Variants in HCN1 observed in about 807,000 individuals in gnomAD.
The protein encoded by HCN1 is hyperpolarization activated cyclic nucleotide gated potassium channel 1, also known as potassium/sodium hyperpolarization-activated cyclic nucleotide-gated channel 1.
A neutral mutation model predicts 78.9 loss-of-function variants in HCN1; 13 were observed. The observed-to-expected ratio is 0.16, with a 90% CI of 0.11 to 0.26. The LOEUF is 0.26. Ranked by LOEUF, HCN1 falls within the 10% of genes least tolerant of loss-of-function variation. The pLI is 1.00. For missense variants in HCN1, 810 were observed against 1,154.3 expected (o/e 0.70, Z 4.32); for synonymous variants, 552 against 455.5 (o/e 1.21, Z -2.70).
chr5:45,486,374 T>C (rs1008882462), intron 2 of HCN1, among the ~76,000 whole-genome samples: 2 of 152,182 alleles, frequency 1.3e-5, no homozygotes, highest in African/African-American at 4.8e-5. Context: ...GAAATAGAGC[T>C]AGATTTTAAA....
intron 5 of HCN1, among the ~76,000 whole-genome samples, chr5:45,345,495 T>G (rs1315252723): frequency 6.6e-6 from 1 of 152,230 alleles, no homozygotes; most frequent in East Asian, 1.9e-4. Context: ...TGTCAACTTT[T>G]GAACACTTTG....
chr5:45,372,047 A>T (rs1455311018), intron 4 of HCN1, among the ~76,000 whole-genome samples: 5 of 58,168 alleles, frequency 8.6e-5, no homozygotes, highest in Non-Finnish European at 1.3e-4. Flanking sequence ...TATATATTAT[A>T]TATATAATAT....
At chr5:45,678,544 C>T (rs1017206001) in intron 1 of HCN1, among the ~76,000 whole-genome samples, 1 of 151,898 alleles carries the variant, frequency 6.6e-6, no homozygotes, top group Non-Finnish European at 1.5e-5. Context: ...AGTTTTAGAG[C>T]CTCCTTCTAT....
At chr5:45,544,992 T>C (rs1201484769) in intron 2 of HCN1, among the ~76,000 whole-genome samples, 1 of 152,134 alleles carries the variant, frequency 6.6e-6, no homozygotes, top group African/African-American at 2.4e-5. Context: ...TCAAATGGTA[T>C]TTCTAGTTCT....
intron 1 of HCN1, among the ~76,000 whole-genome samples, chr5:45,663,076 C>T (rs1464674394): frequency 6.7e-6 from 1 of 149,622 alleles, no homozygotes; most frequent in Non-Finnish European, 1.5e-5. Flanking sequence ...GCTACAGTAA[C>T]CAAAACAGCA....
At chr5:45,305,420 A>T (rs1386475000) in intron 5 of HCN1, among the ~76,000 whole-genome samples, 1 of 152,134 alleles carries the variant, frequency 6.6e-6, no homozygotes, top group East Asian at 1.9e-4. Flanking sequence ...ATGAGAAAAT[A>T]TTTACAAATA....
At chr5:45,464,781 C>A (rs1050091477) in intron 2 of HCN1, among the ~76,000 whole-genome samples, 1 of 151,232 alleles carries the variant, frequency 6.6e-6, no homozygotes, top group African/African-American at 2.4e-5. Flanking sequence ...TACATACGAT[C>A]TGAATACTGA....
intron 5 of HCN1, among the ~76,000 whole-genome samples, chr5:45,315,145 A>G (rs1745954019): frequency 6.6e-6 from 1 of 152,198 alleles, no homozygotes; most frequent in Admixed American, 6.5e-5. Flanking sequence ...TTATTCCAAA[A>G]TTGACAACAT....
chr5:45,507,041 G>C (rs1428560819), intron 2 of HCN1, among the ~76,000 whole-genome samples: 1 of 152,116 alleles, frequency 6.6e-6, no homozygotes, highest in Non-Finnish European at 1.5e-5. Context: ...AGACTAGAGG[G>C]ATAGAATACA....
intron 2 of HCN1, among the ~76,000 whole-genome samples, chr5:45,572,706 T>G (rs1743860424): frequency 6.6e-6 from 1 of 152,190 alleles, no homozygotes; most frequent in Admixed American, 6.6e-5. Flanking sequence ...AACTAATGAT[T>G]GACTCTGTAT....
intron 2 of HCN1, among the ~76,000 whole-genome samples, chr5:45,640,483 A>C (rs1745431263): frequency 6.6e-6 from 1 of 152,192 alleles, no homozygotes; most frequent in Non-Finnish European, 1.5e-5. Context: ...AAATGCATGT[A>C]GAGCCAGTAG....
At chr5:45,296,414 T>A (rs553832624) in intron 6 of HCN1, among the ~76,000 whole-genome samples, 1 of 151,534 alleles carries the variant, frequency 6.6e-6, no homozygotes, top group East Asian at 2.0e-4. Context: ...ATTAAAAAAA[T>A]GAAAGAAAAT....
chr5:45,470,912 T>C (rs1741378483), intron 2 of HCN1, among the ~76,000 whole-genome samples: 1 of 151,938 alleles, frequency 6.6e-6, no homozygotes, highest in African/African-American at 2.4e-5. Flanking sequence ...ATCATAATTG[T>C]TGTTTTCTTT....
rs573107002 is a variant in HCN1, at chr5:45,545,836, T to A, written c.850-83829A>T. Reference sequence around the variant, plus strand: ...TCTTGAGACACTCTTCCCCTTTCACTCTGCTAGTAAAATATCATTGGACTT... The same window carrying A: ...TCTTGAGACACTCTTCCCCTTTCACACTGCTAGTAAAATATCATTGGACTT... On this transcript the variant is annotated intron_variant, in intron 2 of 7. Transcript: ENST00000303230. Among the ~76,000 whole-genome samples, 12 of 152,158 alleles carry A rather than the reference T, an allele frequency of 7.9e-5. No homozygotes were observed. The South Asian group carries it at 1.9e-3, about 24-fold the overall frequency.
At chr5:45,617,825 T>C (rs1744983055) in intron 2 of HCN1, among the ~76,000 whole-genome samples, 1 of 132,838 alleles carries the variant, frequency 7.5e-6, no homozygotes, top group Non-Finnish European at 1.8e-5. Flanking sequence ...GCAGCAAGCA[T>C]TACCAATTTC....
chr5:45,659,484 C>A (rs1456188218), intron 1 of HCN1, among the ~76,000 whole-genome samples: 1 of 107,736 alleles, frequency 9.3e-6, no homozygotes, highest in Admixed American at 9.1e-5. Context: ...GAGAAGAAGG[C>A]TTCAGATGAT....
intron 2 of HCN1, among the ~76,000 whole-genome samples, chr5:45,467,940 G>A (rs982486919): frequency 4.6e-5 from 7 of 151,612 alleles, no homozygotes; most frequent in Admixed American, 1.3e-4. Context: ...ACAACTCATC[G>A]GAACTTTGAG....
At chr5:45,436,176 A>C (rs2112081843) in intron 3 of HCN1, among the ~76,000 whole-genome samples, 1 of 152,332 alleles carries the variant, frequency 6.6e-6, no homozygotes, top group South Asian at 2.1e-4. Flanking sequence ...AAGACTCCTT[A>C]TGGCACAGAT....
At chr5:45,337,565 T>C (rs1272113435) in intron 5 of HCN1, among the ~76,000 whole-genome samples, 1 of 152,160 alleles carries the variant, frequency 6.6e-6, no homozygotes, top group Non-Finnish European at 1.5e-5. Flanking sequence ...TTATTAATTT[T>C]TTCCACGAAG....
Sources: gnomAD v4.1 joint callset for allele counts (sites outside exome capture counted in the v4.1 genomes callset) on GRCh38, gnomAD v4.1.1 for gene constraint, MANE v1.5 for transcripts, NCBI Gene and HGNC (gene_info 2026-07-23, HGNC 2026-07-21) for gene names.